HIBADH: variants seen among roughly 807,000 people sequenced by gnomAD.
The protein encoded by HIBADH is 3-hydroxyisobutyrate dehydrogenase, mitochondrial.
HIBADH carries 25 observed loss-of-function variants against 36.1 expected under a neutral mutation model. The ratio of observed to expected loss-of-function variants is 0.69; its 90% CI spans 0.50 to 0.97. The LOEUF is 0.97. Ranked by LOEUF, HIBADH falls within the 50% of genes least tolerant of loss-of-function variation. HIBADH has a pLI of 0.00. For synonymous variants in HIBADH, 160 were observed against 149.5 expected, an observed-to-expected ratio of 1.07 and a Z score of -0.51; for missense variants, 421 against 418.0, an observed-to-expected ratio of 1.01 and a Z score of -0.06.
intron 1 of HIBADH, 111 bp downstream of exon 1, chr7:27,662,586 TA>T: frequency 1.7e-6 from 1 of 603,656 alleles, no homozygotes; most frequent in Non-Finnish European, 2.5e-6. Context: ...TATTGTTTTT[TA>T]AGCCCCAGCC....
At position 27,603,151 on chromosome 7, in the gene HIBADH, T is replaced by C. The variant is rs185394382; in HGVS notation, c.484+26220A>G. ...ATGTTTTATTACCTTGGCAGCTTTTTCTCTGGATTGACTAAAAAGGTAAGT... is the reference window on the plus strand; with the variant it reads ...ATGTTTTATTACCTTGGCAGCTTTTCCTCTGGATTGACTAAAAAGGTAAGT... On this transcript the variant is annotated intron_variant, in intron 4 of 7. Transcript: ENST00000265395. Among the ~76,000 whole-genome samples, 84 of 152,318 alleles carry C rather than the reference T, an allele frequency of 5.5e-4. 1 individual carries two copies. Among genetic ancestry groups the C allele is most frequent in the African/African-American group, 1.9e-3 (78 of 41,582 alleles).
At chr7:27,571,432 T>C (rs1411188583) in intron 4 of HIBADH, among the ~76,000 whole-genome samples, 1 of 151,914 alleles carries the variant, frequency 6.6e-6, no homozygotes, top group Non-Finnish European at 1.5e-5. Context: ...TCCATGTTGG[T>C]CAGGCTGGTC....
intron 2 of HIBADH, among the ~76,000 whole-genome samples, chr7:27,635,064 C>G (rs2128294974): frequency 7.1e-6 from 1 of 141,398 alleles, no homozygotes; most frequent in African/African-American, 2.7e-5. Flanking sequence ...CACACTCTCT[C>G]TCTTTCTCTC....
chr7:27,627,973 C>G (rs1389873717), intron 4 of HIBADH, among the ~76,000 whole-genome samples: 1 of 152,086 alleles, frequency 6.6e-6, no homozygotes, highest in African/African-American at 2.4e-5. Context: ...ATTATAATTT[C>G]AGGTTGTACT....
At chr7:27,555,864 A>G (rs1051517263) in intron 4 of HIBADH, among the ~76,000 whole-genome samples, 3 of 152,140 alleles carry the variant, frequency 2.0e-5, no homozygotes, top group African/African-American at 7.2e-5. Flanking sequence ...TCAAATATAT[A>G]TGCATGCAAG....
At chr7:27,613,608 A>G (rs994031850) in intron 4 of HIBADH, among the ~76,000 whole-genome samples, 1 of 151,210 alleles carries the variant, frequency 6.6e-6, no homozygotes, top group African/African-American at 2.4e-5. Flanking sequence ...TTGGCCTGGA[A>G]TCAGCTGTAT....
At chr7:27,619,455 A>G (rs1785498625) in intron 4 of HIBADH, among the ~76,000 whole-genome samples, 1 of 152,350 alleles carries the variant, frequency 6.6e-6, no homozygotes, top group African/African-American at 2.4e-5. Flanking sequence ...CTACAACAAT[A>G]TATTTTAATT....
chr7:27,601,900 T>C (rs974140405), intron 4 of HIBADH, among the ~76,000 whole-genome samples: 10 of 152,202 alleles, frequency 6.6e-5, no homozygotes, highest in Non-Finnish European at 1.5e-4. Context: ...TATATTTTGA[T>C]TGTGGGTATT....
intron 4 of HIBADH, among the ~76,000 whole-genome samples, chr7:27,572,862 T>C (rs1276990693): frequency 6.6e-6 from 1 of 152,084 alleles, no homozygotes; most frequent in Non-Finnish European, 1.5e-5. Flanking sequence ...ATTATAAAAT[T>C]AACTTTAATA....
intron 4 of HIBADH, among the ~76,000 whole-genome samples, chr7:27,581,845 CA>C (rs557830327): frequency 6.8e-4 from 97 of 143,352 alleles, no homozygotes; most frequent in East Asian, 4.2e-3. Flanking sequence ...AAGGAATCTA[CA>C]AAAAAAAAAC....
At chr7:27,605,287 A>G (rs1785198959) in intron 4 of HIBADH, among the ~76,000 whole-genome samples, 1 of 152,030 alleles carries the variant, frequency 6.6e-6, no homozygotes, top group African/African-American at 2.4e-5. Flanking sequence ...GACTCCCTGA[A>G]AAACAGTACA....
chr7:27,568,287 C>T (rs1784577817), intron 4 of HIBADH, among the ~76,000 whole-genome samples: 1 of 152,124 alleles, frequency 6.6e-6, no homozygotes, highest in South Asian at 2.1e-4. Context: ...CATCTTCATT[C>T]CTGAAGCATA....
chr7:27,660,518 A>G (rs911780044), intron 1 of HIBADH, among the ~76,000 whole-genome samples: 1 of 152,106 alleles, frequency 6.6e-6, no homozygotes, highest in Non-Finnish European at 1.5e-5. Context: ...CCAAAAAACT[A>G]GCCGGGCGTG....
intron 3 of HIBADH, among the ~76,000 whole-genome samples, chr7:27,631,720 T>C (rs1191957116): frequency 2.0e-5 from 3 of 152,148 alleles, no homozygotes; most frequent in African/African-American, 7.2e-5. Flanking sequence ...AGTGTTCCAT[T>C]TATGCTAAGT....
At position 27,626,104 on chromosome 7, in the gene HIBADH, GAAAAAAAAA is replaced by G. The variant is rs70994672; in HGVS notation, c.484+3258_484+3266del. Among the ~76,000 whole-genome samples the G allele has an allele frequency of 1.2e-4, 9 of 72,496 alleles. No homozygotes were observed. The East Asian group carries it at 2.1e-3, about 17-fold the overall frequency. 47.6% of individuals were successfully genotyped at this position (72,496 alleles called of 152,430 possible). ...GGTGACACAGTGAGACTCCGTCTCA[GAAAAAAAAA>G]AAAAAAAAAAAAAGATGTACAGTTT... On this transcript the variant is annotated intron_variant, in intron 4 of 7. Transcript: ENST00000265395.
chr7:27,645,760 T>G (rs1786057928), intron 2 of HIBADH, among the ~76,000 whole-genome samples: 1 of 152,162 alleles, frequency 6.6e-6, no homozygotes, highest in Middle Eastern at 3.2e-3. Flanking sequence ...TATATCTTCC[T>G]GGGAGAAATG....
At position 27,662,780 on chromosome 7, in the gene HIBADH, G is replaced by A; in HGVS notation, c.9C>T (p.Ala3=). Residue 3 remains alanine, a synonymous_variant, in exon 1 of 8, where the codon GCC becomes GCT. Transcript: ENST00000265395. MA[A]SLRLLGAASG... is the part of the protein sequence containing the mutation. ...AGGCAGCTCCGAGGAGCCGTAAGGA[G>A]GCTGCCATGCTGCGCCCGCCCCTCT... 6 of 1,466,986 alleles carry A rather than the reference G, an allele frequency of 4.1e-6. No individual in the cohort carries two copies. Among genetic ancestry groups the A allele is most frequent in the Non-Finnish European group, 5.4e-6 (6 of 1,108,182 alleles). 90.9% of individuals were successfully genotyped at this position (1,466,986 alleles called of 1,614,324 possible).
chr7:27,579,702 T>C (rs764885881), intron 4 of HIBADH, among the ~76,000 whole-genome samples: 5 of 152,226 alleles, frequency 3.3e-5, no homozygotes, highest in African/African-American at 9.6e-5. Context: ...TGGCAATAGC[T>C]TTCCAAGTAA....
intron 4 of HIBADH, among the ~76,000 whole-genome samples, chr7:27,568,084 T>C (rs1291110453): frequency 6.6e-6 from 1 of 152,142 alleles, no homozygotes; most frequent in Non-Finnish European, 1.5e-5. Context: ...TTTTAAGAAC[T>C]TAAAAGTAGA....
Sources: allele counts gnomAD v4.1 joint callset (sites outside exome capture counted in the v4.1 genomes callset), GRCh38; gene constraint gnomAD v4.1.1; transcripts MANE v1.5; gene names NCBI Gene and HGNC (gene_info 2026-07-23, HGNC 2026-07-21).